The following SMIM35 variants were observed in gnomAD, a reference collection of about 807,000 sequenced individuals.
SMIM35 encodes the protein TMPRSS4 antisense RNA 1 (non-protein coding).
intron 1 of SMIM35, among the ~76,000 whole-genome samples, chr11:118,038,852 C>T (rs1003019514): frequency 1.3e-5 from 2 of 151,716 alleles, no homozygotes; most frequent in South Asian, 2.1e-4. Flanking sequence ...GCAAAGGGCT[C>T]AAAACAGGGT....
intron 1 of SMIM35, among the ~76,000 whole-genome samples, chr11:118,017,554 T>A (rs908991174): frequency 4.6e-5 from 7 of 152,032 alleles, no homozygotes; most frequent in Admixed American, 2.0e-4. Context: ...GAGAAAAAAA[T>A]TAAGCAGAAA....
At chr11:118,017,234 T>A (rs931084249) in intron 1 of SMIM35, among the ~76,000 whole-genome samples, 1 of 152,204 alleles carries the variant, frequency 6.6e-6, no homozygotes, top group African/African-American at 2.4e-5. Flanking sequence ...GAGAGCAACC[T>A]TGTTCCCTGC....
chr11:118,025,933 A>G (rs1452561475), intron 1 of SMIM35: 2 of 328,694 alleles, frequency 6.1e-6, no homozygotes, highest in South Asian at 2.4e-5. Context: ...TAGGTCTTAC[A>G]TTTAAGTCTT....
chr11:118,012,734 G>T (rs564383514), intron 4 of SMIM35, among the ~76,000 whole-genome samples: 2 of 152,318 alleles, frequency 1.3e-5, no homozygotes, highest in South Asian at 2.1e-4. Flanking sequence ...AAGTACAGAG[G>T]GGGCAGGGCA....
intron 1 of SMIM35, among the ~76,000 whole-genome samples, chr11:118,071,352 G>A (rs931902555): frequency 2.0e-4 from 31 of 152,188 alleles, no homozygotes; most frequent in African/African-American, 7.0e-4. Context: ...CAATTCAACC[G>A]CCTCTGAGAC....
chr11:118,071,062 A>G (rs1174586239), intron 1 of SMIM35, among the ~76,000 whole-genome samples: 1 of 152,246 alleles, frequency 6.6e-6, no homozygotes, highest in African/African-American at 2.4e-5. Flanking sequence ...TCCACAGGCA[A>G]AAGAGCCTGG....
intron 3 of SMIM35, 139 bp downstream of exon 3, chr11:118,014,569 G>A: frequency 5.0e-6 from 2 of 397,038 alleles, no homozygotes; most frequent in Non-Finnish European, 8.9e-6. Flanking sequence ...GGATTCTCGT[G>A]CCCTTCTTTT....
At chr11:118,016,192 C>T (rs2058181911) in intron 1 of SMIM35, among the ~76,000 whole-genome samples, 1 of 152,136 alleles carries the variant, frequency 6.6e-6, no homozygotes, top group African/African-American at 2.4e-5. Context: ...AGAACACAGA[C>T]CGGGGACCCT....
chr11:118,064,921 C>A (rs990915973), intron 1 of SMIM35, among the ~76,000 whole-genome samples: 1 of 152,338 alleles, frequency 6.6e-6, no homozygotes, highest in South Asian at 2.1e-4. Context: ...GGATTACAGG[C>A]GTGAGCCACC....
At chr11:118,032,593 A>G (rs2058328490) in intron 1 of SMIM35, among the ~76,000 whole-genome samples, 4 of 151,994 alleles carry the variant, frequency 2.6e-5, no homozygotes, top group Admixed American at 6.6e-5. Context: ...TTTGCCAGGT[A>G]CATGTATTAC....
intron 1 of SMIM35, among the ~76,000 whole-genome samples, chr11:118,036,605 T>C (rs1436090807): frequency 1.3e-5 from 2 of 152,134 alleles, no homozygotes; most frequent in African/African-American, 4.8e-5. Context: ...AGAAGGGCGC[T>C]CCTTGGAGTG....
At chr11:118,056,515 G>A (rs1210411935) in intron 1 of SMIM35, among the ~76,000 whole-genome samples, 11 of 152,162 alleles carry the variant, frequency 7.2e-5, no homozygotes, top group Non-Finnish European at 1.3e-4. Flanking sequence ...CAGACCCCAC[G>A]AGGAGATGTC....
intron 1 of SMIM35, among the ~76,000 whole-genome samples, chr11:118,031,305 A>G (rs1565385284): frequency 6.6e-6 from 1 of 152,218 alleles, no homozygotes; most frequent in African/African-American, 2.4e-5. Flanking sequence ...CACATCTACC[A>G]CTAAGATCTT....
At chr11:118,036,185 C>T (rs1046581864) in intron 1 of SMIM35, among the ~76,000 whole-genome samples, 3 of 152,198 alleles carry the variant, frequency 2.0e-5, no homozygotes, top group African/African-American at 7.2e-5. Context: ...CCATGCCTGG[C>T]CAATACGTGG....
intron 1 of SMIM35, among the ~76,000 whole-genome samples, chr11:118,035,238 CT>C (rs1796220474): frequency 1.3e-5 from 2 of 152,294 alleles, no homozygotes; most frequent in African/African-American, 4.8e-5. Flanking sequence ...ATTTAAACAA[CT>C]TTTCCACCAG....
rs1457131559 is a variant in SMIM35 at position 118,069,837 on chromosome 11, G to A, written c.7+16914C>T. Among the ~76,000 whole-genome samples, 5 of 152,228 alleles carry A rather than the reference G, an allele frequency of 3.3e-5. No individual in the cohort carries two copies. In the East Asian group the frequency reaches 9.7e-4, roughly 29 times the overall value. On this transcript the variant is annotated intron_variant, in intron 1 of 4. Coordinates refer to ENST00000689828, the MANE Select transcript of SMIM35 (RefSeq NM_001394165.1). The stretch of plus-strand genomic sequence containing the variant: ...AACACTTTGGAAAGCCGAGGCGGGT[G>A]GATCACCTGAGGTCAGGAGTTCGAG...
At chr11:118,011,675 G>A (rs1354272491) in intron 4 of SMIM35, among the ~76,000 whole-genome samples, 1 of 152,114 alleles carries the variant, frequency 6.6e-6, no homozygotes, top group Non-Finnish European at 1.5e-5. Flanking sequence ...CTGGGCAACA[G>A]GGCAAGACTC....
At chr11:118,085,694 T>C (rs10892211) in intron 1 of SMIM35, among the ~76,000 whole-genome samples, 53,639 of 152,056 alleles carry the variant, frequency 0.35, 9,969 homozygotes, top group South Asian at 0.52. Flanking sequence ...CCCTTCCCAA[T>C]GGCAAACCCA....
At chr11:118,006,554 G>A (rs2058123093) in intron 4 of SMIM35, among the ~76,000 whole-genome samples, 178 bp from the exon 5 acceptor site, 1 of 152,154 alleles carries the variant, frequency 6.6e-6, no homozygotes, top group South Asian at 2.1e-4. Flanking sequence ...CGCAATGGGT[G>A]CTCAATACTC....
Sources: gnomAD v4.1 joint callset for allele counts (sites outside exome capture counted in the v4.1 genomes callset) on GRCh38, gnomAD v4.1.1 for gene constraint, MANE v1.5 for transcripts, NCBI Gene and HGNC (gene_info 2026-07-23, HGNC 2026-07-21) for gene names.